The following TTF2 variants were observed in gnomAD, a reference collection of about 807,000 sequenced individuals.
TTF2 encodes the protein RNA polymerase II termination factor.
A neutral mutation model predicts 142.4 loss-of-function variants in TTF2; 108 were observed. The observed-to-expected ratio is 0.76, with a 90% CI of 0.65 to 0.89. The LOEUF (loss-of-function observed/expected upper bound fraction) is 0.89. TTF2 is among the 40% of genes least tolerant of loss of function. TTF2 has a pLI of 0.00. For synonymous variants in TTF2, 483 were observed against 506.2 expected (o/e 0.95, Z 0.61); for missense variants, 1,327 against 1,379.8 (o/e 0.96, Z 0.61).
intron 20 of TTF2, 59 bp downstream of exon 20, chr1:117,096,358 T>C: frequency 6.4e-7 from 1 of 1,566,266 alleles, no homozygotes; most frequent in Non-Finnish European, 8.7e-7. Context: ...ACAAAGAGAA[T>C]TCTTTTTGTT....
rs910736964 is a variant in TTF2, at chr1:117,073,708, G to A, written c.266G>A (p.Cys89Tyr). ...IRSKAEGKRWCGSIPWQDPDS... is the reference protein window; with the variant it reads ...IRSKAEGKRWYGSIPWQDPDS... ...AGTAAGGCAGAGGGGAAACGCTGGT[G>A]TGGAAGTATTCCATGGCAGGTAGGA... The change falls in exon 4 of 23, where the codon TGT becomes TAT. Residue 89 changes from cysteine (C) to tyrosine (Y), a missense_variant. By Grantham distance (194) the Cys-to-Tyr change is radical (BLOSUM62 -2). Coordinates refer to ENST00000369466, the MANE Select transcript of TTF2 (RefSeq NM_003594.4). The surrounding 1 kb of genome is among the most constrained non-coding windows in gnomAD (Gnocchi z 4.4). The A allele has an allele frequency of 6.2e-7, 1 of 1,612,298 alleles. No individual in the cohort carries two copies. Among genetic ancestry groups the A allele is most frequent in the African/African-American group, 1.3e-5 (1 of 74,928 alleles).
At chr1:117,091,993 G>A in intron 17 of TTF2, 43 bp downstream of exon 17, 1 of 1,548,690 alleles carries the variant, frequency 6.5e-7, no homozygotes, top group Non-Finnish European at 8.8e-7. Flanking sequence ...TGCTCCAGAG[G>A]GGCCACCTGA....
At position 117,075,821 on chromosome 1, in the gene TTF2, C is replaced by T. The variant is rs148191511; in HGVS notation, c.1237C>T (p.Arg413Trp). 2.9e-5 allele frequency: 46 copies of T among 1,612,836 alleles called. No individual in the cohort carries two copies. The highest frequency in any genetic ancestry group is 3.5e-5 in the Non-Finnish European group (41 of 1,179,638). The change falls in exon 5 of 23, where the codon CGG becomes TGG. Residue 413 changes from arginine (R) to tryptophan (W), a missense_variant. Physicochemically the swap from Arg to Trp is moderately radical, Grantham distance 101 (BLOSUM62 -3). Transcript: ENST00000369466. The surrounding 1 kb of genome is among the most constrained non-coding windows in gnomAD (Gnocchi z 4.5). ...GGTAGAACCCTCAGACCCAGTAGCC[C>T]GGCGTGTCTACCTTACAACACAACT... The part of the protein sequence containing the change: ...KKVEPSDPVA[R>W]RVYLTTQLKQ...
intron 20 of TTF2, among the ~76,000 whole-genome samples, chr1:117,096,978 T>C (rs1316760877): frequency 6.6e-6 from 1 of 152,190 alleles, no homozygotes; most frequent in Non-Finnish European, 1.5e-5. Context: ...ATTAGTAGAA[T>C]GATAGGCAGG....
In TTF2 at chr1:117,081,951, G is replaced by A; in HGVS notation, c.1903+4G>A. On this transcript the variant is annotated splice_donor_region_variant and intron_variant, in intron 10 of 22. Transcript: ENST00000369466. ...TTGACGTGGCTCTCCAAAGATGGTA[G>A]ACAGAAGTGCCTTAATAGCCTGCCA... 2 of 1,614,100 alleles carry A rather than the reference G, an allele frequency of 1.2e-6. No homozygotes were observed. Among genetic ancestry groups the A allele is most frequent in the South Asian group, 2.2e-5 (2 of 91,080 alleles).
At position 117,087,593 on chromosome 1, in the gene TTF2, A is replaced by G. The variant is rs935194179; in HGVS notation, c.2160+1071A>G. Among the ~76,000 whole-genome samples the G allele has an allele frequency of 2.0e-5, 3 of 151,942 alleles. No individual in the cohort carries two copies. Among genetic ancestry groups the G allele is most frequent in the Admixed American group, 2.0e-4 (3 of 15,256 alleles). ...TAGGCATGAGCCACCATGCCTGGCC[A>G]TATTAGGCTCTTTATGATCTTGCCC... is the stretch of plus-strand genomic sequence containing the variant. On this transcript the variant is annotated intron_variant, in intron 12 of 22. Transcript: ENST00000369466. This position sits in a 1 kb window ranked among gnomAD's most constrained non-coding sequence, Gnocchi z 4.8.
Position 117,076,409 on chromosome 1 carries a change from G to A in TTF2, c.1390+115G>A. 4 of 964,248 alleles carry A rather than the reference G, an allele frequency of 4.1e-6. No homozygotes were observed. The highest frequency in any genetic ancestry group is 2.8e-5 in the Admixed American group (1 of 35,508). 59.7% of individuals were successfully genotyped at this position (964,248 alleles called of 1,614,324 possible). On this transcript the variant is annotated intron_variant, in intron 6 of 22. Transcript: ENST00000369466. The surrounding 1 kb of genome is among the most constrained non-coding windows in gnomAD (Gnocchi z 4.6). ...CATTCACTTTTCCATTTTATTATCT[G>A]CTTCTGAGACTTCTTTCACATTACA... is the stretch of plus-strand genomic sequence containing the variant.
In TTF2 at chr1:117,101,423, C is replaced by T. The variant is rs1482830358; in HGVS notation, c.3388C>T (p.Gln1130Ter). The change falls in exon 23 of 23, where the codon CAA becomes TAA. Residue 1130 changes from glutamine to a stop codon, truncating the protein, a stop_gained. Coordinates refer to ENST00000369466, the MANE Select transcript of TTF2 (RefSeq NM_003594.4). LOFTEE classifies it high-confidence loss of function. The surrounding 1 kb of genome is among the most constrained non-coding windows in gnomAD (Gnocchi z 5.9). ...AGTAGAAGAAAAGATCTTACAGCTC[C>T]AAGAAAAAAAGAAAGATTTGGCCAA... Reference protein sequence around the residue: ...GTVEEKILQLQEKKKDLAKQV... With the variant: ...GTVEEKILQL 1.9e-6 allele frequency: 3 copies of T among 1,606,814 alleles called. No individual in the cohort carries two copies. The highest frequency in any genetic ancestry group is 2.5e-6 in the Non-Finnish European group (3 of 1,178,244).
Position 117,106,897 on chromosome 1 carries a change from G to C in TTF2, c.*5373G>C, listed in dbSNP as rs1359460053. 1 of 152,190 alleles carries C rather than the reference G, an allele frequency of 6.6e-6. No homozygotes were observed. Among genetic ancestry groups the C allele is most frequent in the African/African-American group, 2.4e-5 (1 of 41,446 alleles). 9.4% of individuals were successfully genotyped at this position (152,190 alleles called of 1,614,324 possible). On this transcript the variant is annotated 3_prime_UTR_variant, in exon 23 of 23. Coordinates refer to ENST00000369466, the MANE Select transcript of TTF2 (RefSeq NM_003594.4). ...GCATTTGGGACATTAGAGTATGGGT[G>C]GGCTGACAGGTATGTGTATGTTTAT... is the stretch of plus-strand genomic sequence containing the variant.
At position 117,093,392 on chromosome 1, in the gene TTF2, A is replaced by G. The variant is rs1172185556; in HGVS notation, c.2976+491A>G. Among the ~76,000 whole-genome samples the G allele has an allele frequency of 6.6e-6, 1 of 152,182 alleles. No homozygotes were observed. The highest frequency in any genetic ancestry group is 2.4e-5 in the African/African-American group (1 of 41,450). ...GCTCTGTTTTCGTCAGAGCTTTTTAAGGCAGAAACATTCTGCTGGAGGAAG... is the reference window on the plus strand; with the variant it reads ...GCTCTGTTTTCGTCAGAGCTTTTTAGGGCAGAAACATTCTGCTGGAGGAAG... On this transcript the variant is annotated intron_variant, in intron 18 of 22. Transcript: ENST00000369466. This position sits in a 1 kb window ranked among gnomAD's most constrained non-coding sequence, Gnocchi z 4.5.
chr1:117,097,586 AG>A lies in TTF2; in HGVS notation c.3269+156del, dbSNP rs1227601464. Among the ~76,000 whole-genome samples, 1 of 152,224 alleles carries A rather than the reference AG, an allele frequency of 6.6e-6. No homozygotes were observed. The highest frequency in any genetic ancestry group is 2.4e-5 in the African/African-American group (1 of 41,450). Reference sequence around the variant, plus strand: ...TGTGTCTATAGATACAGATCTAAGCAGGGTATAGGGCTAGCTGACTCCCCTG... The same window carrying A: ...TGTGTCTATAGATACAGATCTAAGCAGGTATAGGGCTAGCTGACTCCCCTG... On this transcript the variant is annotated intron_variant, in intron 21 of 22. Transcript: ENST00000369466. The surrounding 1 kb of genome is among the most constrained non-coding windows in gnomAD (Gnocchi z 4.1).
chr1:117,061,184 GT>G (rs1397443002), intron 2 of TTF2, among the ~76,000 whole-genome samples: 1 of 152,136 alleles, frequency 6.6e-6, no homozygotes, highest in Non-Finnish European at 1.5e-5. Flanking sequence ...GAGCCCAGGG[GT>G]TCGAAACCAG....
At chr1:117,091,300 C>T (rs1342510020) in intron 15 of TTF2, 28 bp from the exon 16 acceptor site, 3 of 1,591,460 alleles carry the variant, frequency 1.9e-6, no homozygotes, top group East Asian at 4.5e-5. Flanking sequence ...ATTATACATG[C>T]ATTTTTTTTC....
chr1:117,068,774 G>A (rs1656355794), intron 3 of TTF2, among the ~76,000 whole-genome samples: 1 of 152,192 alleles, frequency 6.6e-6, no homozygotes, highest in African/African-American at 2.4e-5. Flanking sequence ...AGAACCTCAG[G>A]CCCCACCAGC....
chr1:117,094,872 T>C, intron 18 of TTF2: 1 of 337,004 alleles, frequency 3.0e-6, no homozygotes, highest in Non-Finnish European at 5.8e-6. Context: ...ACTTTGGGGG[T>C]TGGGAGGACC....
At chr1:117,095,755 C>T (rs186689909) in intron 19 of TTF2, among the ~76,000 whole-genome samples, 32 of 152,208 alleles carry the variant, frequency 2.1e-4, no homozygotes, top group Non-Finnish European at 3.5e-4. Flanking sequence ...ATTTAGAACT[C>T]GAATTAAGAC....
rs578227576 is a variant in TTF2, at chr1:117,100,729, A to C, written c.3345-651A>C. Reference sequence around the variant, plus strand: ...TCTCATATTAAGAGTTAACTGTTTAATGGGGCCCTCCCTGACTACCCTGGA... The same window carrying C: ...TCTCATATTAAGAGTTAACTGTTTACTGGGGCCCTCCCTGACTACCCTGGA... On this transcript the variant is annotated intron_variant, in intron 22 of 22. Transcript: ENST00000369466. This position sits in a 1 kb window ranked among gnomAD's most constrained non-coding sequence, Gnocchi z 4.6. Among the ~76,000 whole-genome samples the C allele has an allele frequency of 6.6e-6, 1 of 152,154 alleles. No homozygotes were observed. The highest frequency in any genetic ancestry group is 2.1e-4 in the South Asian group (1 of 4,822).
intron 12 of TTF2, among the ~76,000 whole-genome samples, chr1:117,088,534 T>G (rs1470678328): frequency 2.6e-5 from 4 of 151,104 alleles, no homozygotes; most frequent in Non-Finnish European, 4.4e-5. Context: ...GAGACTCCCA[T>G]CTCAAAAAAA....
intron 3 of TTF2, among the ~76,000 whole-genome samples, chr1:117,072,035 G>A (rs1472491822): frequency 2.0e-5 from 3 of 152,244 alleles, no homozygotes; most frequent in East Asian, 1.9e-4. Flanking sequence ...GACAGATTGG[G>A]ATGATGAGGA....
Sources: allele counts gnomAD v4.1 joint callset (sites outside exome capture counted in the v4.1 genomes callset), GRCh38; gene constraint gnomAD v4.1.1; non-coding constraint Gnocchi (gnomAD v3.1); transcripts MANE v1.5; gene names NCBI Gene and HGNC (gene_info 2026-07-23, HGNC 2026-07-21).